Variants in REEP5 observed in about 807,000 individuals in gnomAD.
REEP5 encodes the protein receptor accessory protein 5.
Under a neutral mutation model 22.4 loss-of-function variants are expected in REEP5, and 24 were observed. The ratio of observed to expected loss-of-function variants is 1.07; its 90% CI spans 0.78 to 1.51. The LOEUF (loss-of-function observed/expected upper bound fraction) is 1.51, where lower values mean the gene tolerates loss of function less well. REEP5 is among the 40% of genes most tolerant of loss of function. The pLI is 0.00. For synonymous variants in REEP5, 103 were observed against 88.6 expected (o/e 1.16, Z -0.92); for missense variants, 252 against 233.0 (o/e 1.08, Z -0.53).
In REEP5 at chr5:112,877,610, C is replaced by T. The variant is rs974160344; in HGVS notation, c.*1176G>A. 2.6e-5 allele frequency: 4 copies of T among 152,104 alleles called. No individual in the cohort carries two copies. Among genetic ancestry groups the T allele is most frequent in the Non-Finnish European group, 5.9e-5 (4 of 68,036 alleles). The allele number at this position is 152,104 out of a possible 1,614,324, so 9.4% of individuals were successfully genotyped here. A position where few individuals can be genotyped will look rare whatever the true frequency, so the allele number is the denominator to read the frequency against. On this transcript the variant is annotated 3_prime_UTR_variant, in exon 5 of 5. Coordinates refer to ENST00000379638, the MANE Select transcript of REEP5 (RefSeq NM_005669.5). The stretch of plus-strand genomic sequence containing the variant: ...AACTAGGGAAGCCTCTTGTGTTTGA[C>T]CTTAAAGGCCAGAGAAAAACTGAAG...
intron 2 of REEP5, among the ~76,000 whole-genome samples, chr5:112,910,370 T>C (rs1173630043): frequency 6.6e-6 from 1 of 152,176 alleles, no homozygotes; most frequent in African/African-American, 2.4e-5. Flanking sequence ...GCTGTGTATG[T>C]GTAGGCGTAG....
Position 112,921,607 on chromosome 5 carries a change from G to A in REEP5, c.119-351C>T, listed in dbSNP as rs1053033321. On this transcript the variant is annotated intron_variant, in intron 1 of 4. Coordinates refer to ENST00000379638, the MANE Select transcript of REEP5 (RefSeq NM_005669.5). ...CAGCCTGGGAAGCTGCGCTCAGCGG[G>A]GAGCGTCCCGAGAGGCCCGGACTCC... is the stretch of plus-strand genomic sequence containing the variant. The A allele has an allele frequency of 2.2e-5, 7 of 325,062 alleles. No homozygotes were observed. In the East Asian group the frequency reaches 2.2e-4, roughly 10 times the overall value. The allele number at this position is 325,062 out of a possible 1,614,324, so 20.1% of individuals were successfully genotyped here.
intron 2 of REEP5, among the ~76,000 whole-genome samples, chr5:112,903,988 C>A (rs1298463610): frequency 1.3e-5 from 2 of 152,192 alleles, no homozygotes; most frequent in African/African-American, 4.8e-5. Flanking sequence ...CACACCACCA[C>A]ACCTAGCTAC....
chr5:112,913,536 TAAAAAAAAAA>T (rs148324454), intron 2 of REEP5, among the ~76,000 whole-genome samples: 87 of 65,472 alleles, frequency 1.3e-3, no homozygotes, highest in African/African-American at 4.5e-3. Flanking sequence ...TGACCCTGGC[TAAAAAAAAAA>T]AAAAAAAAAA....
chr5:112,921,310 G>C (rs1256490010), intron 1 of REEP5, 54 bp from the exon 2 acceptor site: 3 of 1,555,458 alleles, frequency 1.9e-6, no homozygotes, highest in Middle Eastern at 1.7e-4. Context: ...CGTTCACGCG[G>C]GACAGCCGCC....
intron 3 of REEP5, among the ~76,000 whole-genome samples, chr5:112,900,881 A>T (rs1042281279): frequency 3.3e-5 from 5 of 151,558 alleles, no homozygotes; most frequent in African/African-American, 1.2e-4. Context: ...TCTGTTGCCT[A>T]GGCTGGAGTG....
chr5:112,880,412 C>T lies in REEP5; in HGVS notation c.521-1577G>A, dbSNP rs139150470. 7.2e-3 allele frequency among the ~76,000 whole-genome samples: 1,091 copies of T among 152,272 alleles called. 3 individuals are homozygous for T. The highest frequency in any genetic ancestry group is 0.011 in the Non-Finnish European group (736 of 68,018). ...CTCCAGGGCCCACTGTGAGATTTTACAATCTGCAGCTGTTCTTGATGGAGC... is the reference window on the plus strand; with the variant it reads ...CTCCAGGGCCCACTGTGAGATTTTATAATCTGCAGCTGTTCTTGATGGAGC... On this transcript the variant is annotated intron_variant, in intron 4 of 4. Coordinates refer to ENST00000379638, the MANE Select transcript of REEP5 (RefSeq NM_005669.5).
chr5:112,920,565 A>G (rs1402117482), intron 2 of REEP5, among the ~76,000 whole-genome samples: 1 of 152,246 alleles, frequency 6.6e-6, no homozygotes, highest in African/African-American at 2.4e-5. Flanking sequence ...TTTTTTAAGT[A>G]GCTCAATTAT....
chr5:112,888,170 T>TAA (rs60080597), intron 3 of REEP5, among the ~76,000 whole-genome samples: 85,763 of 151,688 alleles, frequency 0.57, 26,852 homozygotes, highest in African/African-American at 0.86. Flanking sequence ...GCTTTAAATT[T>TAA]AAGTCTTAGT....
At chr5:112,893,669 C>G (rs193174669) in intron 3 of REEP5, 1 of 152,454 alleles carries the variant, frequency 6.6e-6, no homozygotes, top group Non-Finnish European at 1.5e-5. Flanking sequence ...CTAGTAGTCT[C>G]GCTACACATG....
chr5:112,901,686 T>TG (rs958044941), intron 3 of REEP5, among the ~76,000 whole-genome samples: 3 of 150,606 alleles, frequency 2.0e-5, no homozygotes, highest in South Asian at 4.2e-4. Context: ...CACTCTAGCC[T>TG]GGGCAACAGA....
Position 112,904,609 on chromosome 5 carries a change from G to A in REEP5, c.213-2091C>T, listed in dbSNP as rs576638556. 2.8e-4 allele frequency among the ~76,000 whole-genome samples: 43 copies of A among 152,288 alleles called. No individual in the cohort carries two copies. The South Asian group carries it at 8.7e-3, about 31-fold the overall frequency. On this transcript the variant is annotated intron_variant, in intron 2 of 4. Coordinates refer to ENST00000379638, the MANE Select transcript of REEP5 (RefSeq NM_005669.5). ...TGATGGGACTGTCATTGTTAATCCAGTGGCTTTTAAATTCTTTTGGCCACA... is the reference window on the plus strand; with the variant it reads ...TGATGGGACTGTCATTGTTAATCCAATGGCTTTTAAATTCTTTTGGCCACA...
At chr5:112,914,645 T>G (rs1410494742) in intron 2 of REEP5, among the ~76,000 whole-genome samples, 1 of 152,098 alleles carries the variant, frequency 6.6e-6, no homozygotes, top group Non-Finnish European at 1.5e-5. Context: ...TATCATAAAG[T>G]TTAACTTAAT....
intron 3 of REEP5, chr5:112,896,113 G>T (rs1484879430): frequency 2.0e-5 from 3 of 152,632 alleles, no homozygotes; most frequent in Admixed American, 1.3e-4. Context: ...AGCTTTTGCA[G>T]TGTAGCCACA....
At chr5:112,880,461 A>C (rs536928450) in intron 4 of REEP5, among the ~76,000 whole-genome samples, 46 of 142,100 alleles carry the variant, frequency 3.2e-4, no homozygotes, top group Non-Finnish European at 2.8e-4. Flanking sequence ...ATGAGAGCCA[A>C]GGAGTCCCTT....
intron 2 of REEP5, among the ~76,000 whole-genome samples, chr5:112,918,381 C>G (rs1031928644): frequency 6.6e-6 from 1 of 152,196 alleles, no homozygotes; most frequent in Non-Finnish European, 1.5e-5. Context: ...GCTTCACTCA[C>G]AGACTTCCAA....
At position 112,890,348 on chromosome 5, in the gene REEP5, T is replaced by TA. The variant is rs1033200848; in HGVS notation, c.352-3166dup. Among the ~76,000 whole-genome samples, 16 of 143,720 alleles carry TA rather than the reference T, an allele frequency of 1.1e-4. 1 individual carries two copies. Among genetic ancestry groups the TA allele is most frequent in the Admixed American group, 1.1e-3 (16 of 14,528 alleles). The allele number at this position is 143,720 out of a possible 152,430, so 94.3% of individuals were successfully genotyped here. A position where few individuals can be genotyped will look rare whatever the true frequency, so the allele number is the denominator to read the frequency against. Reference sequence around the variant, plus strand: ...CCTAGAAATTAGTAAGAATACAGAATAAAGAACACAAAATTTAAGTCTTTT... The same window carrying TA: ...CCTAGAAATTAGTAAGAATACAGAATAAAAGAACACAAAATTTAAGTCTTTT... On this transcript the variant is annotated intron_variant, in intron 3 of 4. Transcript: ENST00000379638.
At chr5:112,913,186 T>C (rs1769144796) in intron 2 of REEP5, among the ~76,000 whole-genome samples, 1 of 151,862 alleles carries the variant, frequency 6.6e-6, no homozygotes, top group African/African-American at 2.4e-5. Context: ...TCCCAGCTAC[T>C]TGGGAGGCTG....
At chr5:112,891,553 A>T in intron 3 of REEP5, 1 of 1,522,380 alleles carries the variant, frequency 6.6e-7, no homozygotes, top group South Asian at 1.2e-5. Context: ...TCATAAGTAG[A>T]ATCACTGACA....
Sources: gnomAD v4.1 joint callset for allele counts (sites outside exome capture counted in the v4.1 genomes callset) on GRCh38, gnomAD v4.1.1 for gene constraint, MANE v1.5 for transcripts, NCBI Gene and HGNC (gene_info 2026-07-23, HGNC 2026-07-21) for gene names.